The following NPY2R variants were observed in gnomAD, a reference collection of about 807,000 sequenced individuals.
NPY2R encodes neuropeptide Y receptor Y2, also known as neuropeptide Y receptor type 2.
A neutral mutation model predicts 22.3 loss-of-function variants in NPY2R; 17 were observed. The observed-to-expected ratio is 0.76, with a 90% CI of 0.52 to 1.14. The LOEUF (loss-of-function observed/expected upper bound fraction) is 1.14, where lower values mean the gene tolerates loss of function less well. NPY2R is among the 50% of genes most tolerant of loss of function. The probability of loss-of-function intolerance (pLI) is 0.00; values close to 1 mark genes in which losing one functional copy is unlikely to be tolerated. For synonymous variants in NPY2R, 209 were observed against 183.4 expected, an observed-to-expected ratio of 1.14 and a Z score of -1.13; for missense variants, 424 against 467.9, an observed-to-expected ratio of 0.91 and a Z score of 0.87.
chr4:155,203,828 A>C (rs1407314451), upstream of NPY2R, among the ~76,000 whole-genome samples: 1 of 152,216 alleles, frequency 6.6e-6, no homozygotes. Context: ...AAATACCATA[A>C]CTACATGTTC....
chr4:155,181,796 C>T, the NPY2R span, among the ~76,000 whole-genome samples: 1 of 151,966 alleles, frequency 6.6e-6, no homozygotes, highest in African/African-American at 2.4e-5. Flanking sequence ...TTTTGGCAAC[C>T]CAAATGGACT....
chr4:155,213,846 G>A, intron 1 of NPY2R, 46 bp from the exon 2 acceptor site: 1 of 1,045,232 alleles, frequency 9.6e-7, no homozygotes, highest in Non-Finnish European at 1.5e-6. Context: ...TCGTTCCATT[G>A]GTTTTTGTTG....
At chr4:155,195,947 G>A in the NPY2R span, among the ~76,000 whole-genome samples, 1 of 152,006 alleles carries the variant, frequency 6.6e-6, no homozygotes, top group Admixed American at 6.6e-5. Flanking sequence ...TGATGATAAG[G>A]AAAGTGTAGA....
chr4:155,184,061 G>T, the NPY2R span, among the ~76,000 whole-genome samples: 2 of 152,206 alleles, frequency 1.3e-5, no homozygotes, highest in Admixed American at 6.5e-5. Context: ...ACCCAGTTTA[G>T]GGATAATACC....
At position 155,215,740 on chromosome 4, in the gene NPY2R, C is replaced by T. The variant is rs750111636; in HGVS notation, c.*655C>T. On this transcript the variant is annotated 3_prime_UTR_variant, in exon 2 of 2. Coordinates refer to ENST00000329476, the MANE Select transcript of NPY2R (RefSeq NM_000910.4). ...CCAATTGTTCTTAAAACCAATTGCACGTTTGGTGAAAGTTTCTTCAACTCT... is the reference window on the plus strand; with the variant it reads ...CCAATTGTTCTTAAAACCAATTGCATGTTTGGTGAAAGTTTCTTCAACTCT... 4.8e-5 allele frequency: 8 copies of T among 167,184 alleles called. No individual in the cohort carries two copies. Among genetic ancestry groups the T allele is most frequent in the South Asian group, 2.1e-4 (1 of 4,834 alleles). The allele number at this position is 167,184 out of a possible 1,614,324, so 10.4% of individuals were successfully genotyped here.
At chr4:155,196,549 C>T in the NPY2R span, among the ~76,000 whole-genome samples, 4 of 151,834 alleles carry the variant, frequency 2.6e-5, no homozygotes, top group Admixed American at 6.6e-5. Context: ...AAAGATGGTC[C>T]ATGTCTTTTT....
the NPY2R span, among the ~76,000 whole-genome samples, chr4:155,177,097 C>A: frequency 1.3e-5 from 2 of 152,172 alleles, no homozygotes; most frequent in Non-Finnish European, 2.9e-5. Context: ...AAATTCATGT[C>A]CTTCTCACAT....
chr4:155,184,221 C>A, the NPY2R span, among the ~76,000 whole-genome samples: 2 of 17,818 alleles, frequency 1.1e-4, no homozygotes, highest in African/African-American at 1.6e-3. Context: ...CACCTCTAGC[C>A]TCAAACAATT....
the NPY2R span, among the ~76,000 whole-genome samples, chr4:155,189,075 T>G: frequency 0.47 from 70,840 of 151,852 alleles, 17,235 homozygotes; most frequent in East Asian, 0.69. Flanking sequence ...CGATATGCCT[T>G]ATTTGTGAAT....
At chr4:155,184,732 G>A in the NPY2R span, among the ~76,000 whole-genome samples, 1 of 151,930 alleles carries the variant, frequency 6.6e-6, no homozygotes, top group Non-Finnish European at 1.5e-5. Context: ...CTCAAATATT[G>A]TGCTGCGCGA....
At chr4:155,211,240 G>A (rs185620610) in intron 1 of NPY2R, among the ~76,000 whole-genome samples, 1 of 152,276 alleles carries the variant, frequency 6.6e-6, no homozygotes, top group Admixed American at 6.5e-5. Context: ...GAAGGTCTAG[G>A]TTCTGTCTTC....
At chr4:155,182,193 C>G in the NPY2R span, among the ~76,000 whole-genome samples, 2 of 152,220 alleles carry the variant, frequency 1.3e-5, no homozygotes, top group East Asian at 1.9e-4. Context: ...ATTGCTCCAT[C>G]CTACCCCTCA....
the NPY2R span, among the ~76,000 whole-genome samples, chr4:155,179,692 A>G: frequency 6.6e-6 from 1 of 152,166 alleles, no homozygotes; most frequent in African/African-American, 2.4e-5. Context: ...CACTTTCTGC[A>G]TATATAGTTT....
the NPY2R span, among the ~76,000 whole-genome samples, chr4:155,181,949 G>T: frequency 3.9e-5 from 6 of 152,134 alleles, no homozygotes; most frequent in Non-Finnish European, 7.4e-5. Context: ...ATTCAATGGG[G>T]ATGATGGAAT....
chr4:155,208,462 G>A (rs1358144044), upstream of NPY2R: 1 of 152,430 alleles, frequency 6.6e-6, no homozygotes, highest in Non-Finnish European at 1.5e-5. The surrounding 1 kb of genome is among the most constrained non-coding windows in gnomAD (Gnocchi z 5.6). Context: ...AGAGCAAAGG[G>A]AGAGATTCGT....
the NPY2R span, among the ~76,000 whole-genome samples, chr4:155,187,770 A>G: frequency 6.6e-6 from 1 of 152,170 alleles, no homozygotes; most frequent in African/African-American, 2.4e-5. Flanking sequence ...TTCAGAAACT[A>G]TTCATGGCTC....
At chr4:155,185,875 C>T in the NPY2R span, among the ~76,000 whole-genome samples, 4 of 144,334 alleles carry the variant, frequency 2.8e-5, no homozygotes, top group Non-Finnish European at 4.5e-5. Context: ...GAAATATTAA[C>T]TTTTTCAGGG....
At chr4:155,212,953 A>G (rs1355347774) in intron 1 of NPY2R, among the ~76,000 whole-genome samples, 2 of 152,228 alleles carry the variant, frequency 1.3e-5, no homozygotes, top group East Asian at 3.8e-4. Context: ...ACTCAGCTGT[A>G]AAAAAGAATG....
In NPY2R at chr4:155,215,112, A is replaced by G. The variant is rs1729489582; in HGVS notation, c.*27A>G. 1.3e-6 allele frequency: 2 copies of G among 1,596,692 alleles called. No individual in the cohort carries two copies. The highest frequency in any genetic ancestry group is 2.7e-5 in the African/African-American group (2 of 74,604). On this transcript the variant is annotated 3_prime_UTR_variant, in exon 2 of 2. Transcript: ENST00000329476. ...GAAGCTGTGGTGTGAAAATGTATGG[A>G]TGAATTCTGACCAGAGCTATGAATC...
Sources: allele counts gnomAD v4.1 joint callset (sites outside exome capture counted in the v4.1 genomes callset), GRCh38; gene constraint gnomAD v4.1.1; non-coding constraint Gnocchi (gnomAD v3.1); transcripts MANE v1.5; gene names NCBI Gene and HGNC (gene_info 2026-07-23, HGNC 2026-07-21).